The following POLK variants were observed in gnomAD, a reference collection of about 807,000 sequenced individuals.
POLK encodes the protein polymerase (DNA directed) kappa.
POLK carries 76 observed loss-of-function variants against 94.0 expected under a neutral mutation model. That is an observed-to-expected ratio of 0.81 (90% CI 0.67 to 0.98). The LOEUF (loss-of-function observed/expected upper bound fraction) is 0.98, where lower values mean the gene tolerates loss of function less well. POLK is among the 50% of genes least tolerant of loss of function. POLK has a pLI of 0.00. For synonymous variants in POLK, 349 were observed against 325.4 expected (o/e 1.07, Z -0.78); for missense variants, 954 against 1,010.1 (o/e 0.94, Z 0.75).
In POLK at chr5:75,531,790, T is replaced by TG. The variant is rs775543361; in HGVS notation, c.-13-15220_-13-15219insG. Among the ~76,000 whole-genome samples the TG allele has an allele frequency of 5.5e-5, 8 of 146,478 alleles. No homozygotes were observed. The South Asian group carries it at 1.8e-3, about 34-fold the overall frequency. ...CTGGGTGACAGAGCAAGACTCTGTC[T>TG]CAAAAAAAAAAATAAGAAAGTAAGC... On this transcript the variant is annotated intron_variant, in intron 1 of 14. Coordinates refer to ENST00000241436, the Ensembl canonical transcript of POLK.
chr5:75,547,090 A>T, exon 2 of POLK: 5 of 1,521,512 alleles, frequency 3.3e-6, no homozygotes, highest in Non-Finnish European at 4.5e-6. Flanking sequence ...GGACTTAATG[A>T]TAATAAAGCA....
chr5:75,577,891 AATC>A (rs1249706314), intron 6 of POLK, among the ~76,000 whole-genome samples: 2 of 152,208 alleles, frequency 1.3e-5, no homozygotes, highest in Admixed American at 6.5e-5. Context: ...ATTAAACAAT[AATC>A]ATCATTTCTC....
At chr5:75,593,186 C>T (rs1772879526) in intron 11 of POLK, among the ~76,000 whole-genome samples, 1 of 151,974 alleles carries the variant, frequency 6.6e-6, no homozygotes, top group Non-Finnish European at 1.5e-5. Flanking sequence ...GGCTGGAGTG[C>T]AATGGTGTGA....
chr5:75,526,013 G>C (rs1202576837), intron 1 of POLK, among the ~76,000 whole-genome samples: 1 of 152,142 alleles, frequency 6.6e-6, no homozygotes, highest in East Asian at 1.9e-4. Context: ...GTAGCAATGA[G>C]AGGATGCTTC....
chr5:75,563,564 T>G (rs1367697603), intron 3 of POLK, among the ~76,000 whole-genome samples: 2 of 152,190 alleles, frequency 1.3e-5, no homozygotes, highest in African/African-American at 2.4e-5. Context: ...AAACACTGCT[T>G]TAGCTGTGTC....
chr5:75,579,968 T>C (rs556076235), intron 6 of POLK, among the ~76,000 whole-genome samples: 1 of 139,524 alleles, frequency 7.2e-6, no homozygotes, highest in Admixed American at 7.1e-5. Context: ...GGAGACCCTG[T>C]CTTAAAAAAA....
chr5:75,580,147 A>T (rs5744664), intron 6 of POLK, among the ~76,000 whole-genome samples: 1,872 of 152,068 alleles, frequency 0.012, 39 homozygotes, highest in African/African-American at 0.043. Context: ...TATCTTTAAA[A>T]TTTTTTCCTA....
chr5:75,597,202 T>A, intron 13 of POLK, 24 bp downstream of exon 13: 1 of 1,128,330 alleles, frequency 8.9e-7, no homozygotes, highest in East Asian at 2.3e-5. Flanking sequence ...TGTTTTAAAC[T>A]GCATGATTTT....
chr5:75,599,817 T>G (rs1392596106), exon 15 of POLK: 1 of 152,174 alleles, frequency 6.6e-6, no homozygotes, highest in African/African-American at 2.4e-5. Flanking sequence ...CTTTAATTGA[T>G]CTAATAGAGA....
At chr5:75,561,889 A>C (rs530320283) in intron 3 of POLK, among the ~76,000 whole-genome samples, 59 of 152,318 alleles carry the variant, frequency 3.9e-4, no homozygotes, top group African/African-American at 1.3e-3. Flanking sequence ...TACCAGTACC[A>C]TGCTGTTTTG....
In POLK at chr5:75,552,521, A is replaced by G. The variant is rs1770383640; in HGVS notation, c.185A>G (p.Gln62Arg). 6 of 1,612,952 alleles carry G rather than the reference A, an allele frequency of 3.7e-6. No homozygotes were observed. The Admixed American group carries it at 6.7e-5, about 18-fold the overall frequency. ...CTCAAGAAAGAAAAGCAAGTCAACC[A>G]ACGAATTGAAAATATGATGCAACAA... The change falls in exon 3 of 15, where the codon CAA becomes CGA. Residue 62 changes from glutamine to arginine, a missense_variant. Physicochemically the swap from Gln to Arg is conservative, Grantham distance 43. Coordinates refer to ENST00000241436, the Ensembl canonical transcript of POLK.
At chr5:75,534,145 A>G (rs775999390) in intron 1 of POLK, among the ~76,000 whole-genome samples, 4 of 152,110 alleles carry the variant, frequency 2.6e-5, no homozygotes, top group Non-Finnish European at 4.4e-5. Flanking sequence ...GCATGCCTGT[A>G]GTCCCAGCTA....
chr5:75,553,161 G>C (rs1770416664), intron 3 of POLK, among the ~76,000 whole-genome samples: 1 of 152,106 alleles, frequency 6.6e-6, no homozygotes, highest in Non-Finnish European at 1.5e-5. Context: ...GGATCTTTGG[G>C]AAGTAAATAC....
intron 7 of POLK, 166 bp downstream of exon 7, chr5:75,581,614 AG>A: frequency 1.7e-6 from 1 of 606,038 alleles, no homozygotes; most frequent in Non-Finnish European, 2.9e-6. Flanking sequence ...CTGTGAACCT[AG>A]TAAGTAAATT....
downstream of POLK, among the ~76,000 whole-genome samples, chr5:75,602,617 G>A (rs563067358): frequency 6.6e-6 from 1 of 152,182 alleles, no homozygotes; most frequent in Non-Finnish European, 1.5e-5. Context: ...CTTGAATAAT[G>A]CAGAGACACT....
At chr5:75,566,249 A>G (rs903718364) in intron 3 of POLK, among the ~76,000 whole-genome samples, 6 of 152,158 alleles carry the variant, frequency 3.9e-5, no homozygotes, top group Non-Finnish European at 8.8e-5. Flanking sequence ...TCAACTTCAG[A>G]CTGCTCTGCC....
chr5:75,563,907 G>T (rs542108735), intron 3 of POLK, among the ~76,000 whole-genome samples: 2 of 152,240 alleles, frequency 1.3e-5, no homozygotes, highest in East Asian at 3.9e-4. Flanking sequence ...ATGTCTATTA[G>T]GTCTGCTTGG....
chr5:75,607,240 G>C, the POLK span, among the ~76,000 whole-genome samples: 2 of 152,082 alleles, frequency 1.3e-5, no homozygotes, highest in Non-Finnish European at 2.9e-5. Flanking sequence ...GCCAAGGCGG[G>C]TGGATCACCT....
At chr5:75,604,138 T>C (rs1232311561), downstream of POLK, among the ~76,000 whole-genome samples, 1 of 152,244 alleles carries the variant, frequency 6.6e-6, no homozygotes, top group East Asian at 1.9e-4. Context: ...GAATGGTGGC[T>C]AAGGGCTGCT....
Sources: allele counts gnomAD v4.1 joint callset (sites outside exome capture counted in the v4.1 genomes callset), GRCh38; gene constraint gnomAD v4.1.1; transcripts MANE v1.5; gene names NCBI Gene and HGNC (gene_info 2026-07-23, HGNC 2026-07-21).